The following BACH1 variants were observed in gnomAD, a reference collection of about 807,000 sequenced individuals.
BACH1 encodes BTB domain and CNC homolog 1.
A neutral mutation model predicts 52.9 loss-of-function variants in BACH1; 35 were observed. The ratio of observed to expected loss-of-function variants is 0.66; its 90% confidence interval spans 0.51 to 0.88. The LOEUF (loss-of-function observed/expected upper bound fraction) is 0.88, where lower values mean the gene tolerates loss of function less well. BACH1 is among the 40% of genes least tolerant of loss of function. BACH1 has a pLI of 0.00. For synonymous variants in BACH1, 321 were observed against 319.6 expected (o/e 1.00, Z -0.05); for missense variants, 808 against 872.6 (o/e 0.93, Z 0.93).
At chr21:29,312,690 A>G (rs2088739425) in intron 1 of BACH1, among the ~76,000 whole-genome samples, 1 of 152,236 alleles carries the variant, frequency 6.6e-6, no homozygotes, top group Non-Finnish European at 1.5e-5. Flanking sequence ...TAAACATTAA[A>G]TGCTGAGGAA....
chr21:29,335,746 C>G (rs1325565785), intron 4 of BACH1, among the ~76,000 whole-genome samples: 2 of 152,160 alleles, frequency 1.3e-5, no homozygotes, highest in Admixed American at 1.3e-4. Context: ...GTCTTTGCAC[C>G]TCTATCTCCG....
chr21:29,321,195 G>A (rs993560247), intron 1 of BACH1, 26 bp from the exon 2 acceptor site: 1 of 1,128,710 alleles, frequency 8.9e-7, no homozygotes, highest in Non-Finnish European at 1.3e-6. Flanking sequence ...TGTTATTTAA[G>A]TGAAATCTTG....
chr21:29,329,417 T>G, intron 3 of BACH1, 70 bp from the exon 4 acceptor site: 1 of 1,285,398 alleles, frequency 7.8e-7, no homozygotes, highest in East Asian at 2.7e-5. Context: ...GATGTATACC[T>G]TCATCTTCCT....
rs1041456464 is a variant in BACH1, at chr21:29,302,395, A to G, written c.-61+3442A>G. Among the ~76,000 whole-genome samples the G allele has an allele frequency of 3.9e-5, 6 of 152,334 alleles. No homozygotes were observed. The South Asian group carries it at 6.2e-4, about 16-fold the overall frequency. ...GGCACCTGGCTTACACAGTGCACTA[A>G]CATAACTGAAGTCTGGGTTTGATCA... On this transcript the variant is annotated intron_variant, in intron 1 of 4. Transcript: ENST00000286800.
chr21:29,350,532 A>G (rs2089196439), downstream of BACH1, among the ~76,000 whole-genome samples: 1 of 152,170 alleles, frequency 6.6e-6, no homozygotes, highest in African/African-American at 2.4e-5. Context: ...CTTGGTTTCC[A>G]TGAAGGGAGA....
intron 1 of BACH1, among the ~76,000 whole-genome samples, chr21:29,313,568 A>C (rs1189737568): frequency 1.3e-5 from 2 of 152,252 alleles, no homozygotes; most frequent in African/African-American, 4.8e-5. Context: ...CATCAGAGTC[A>C]AATGGATAAA....
intron 1 of BACH1, among the ~76,000 whole-genome samples, chr21:29,308,273 CTT>C (rs748282718): frequency 6.6e-6 from 1 of 152,120 alleles, no homozygotes; most frequent in East Asian, 1.9e-4. Context: ...AAAAAATAGA[CTT>C]ATGTTTTTAG....
chr21:29,358,810 G>GAAAGAAAGAA lies in BACH1; in HGVS notation c.472+29123_472+29124insAGAAAAAGAA, dbSNP rs1555888597. The stretch of plus-strand genomic sequence containing the variant: ...AGAAAGAAAGAAAGAAAGAAAGAAA[G>GAAAGAAAGAA]AAAGAAGAAAGAAAGAAATGTAAAA... On this transcript the variant is annotated intron_variant, in intron 2 of 4. Coordinates refer to the BACH1 transcript ENST00000422809. Among the ~76,000 whole-genome samples the GAAAGAAAGAA allele has an allele frequency of 3.0e-3, 266 of 88,774 alleles. 2 individuals carry two copies. The highest frequency in any genetic ancestry group is 7.2e-3 in the African/African-American group (249 of 34,738). The allele number at this position is 88,774 out of a possible 152,430, so 58.2% of individuals were successfully genotyped here. A position where few individuals can be genotyped will look rare whatever the true frequency, so the allele number is the denominator to read the frequency against.
intron 1 of BACH1, among the ~76,000 whole-genome samples, chr21:29,309,427 CCTATTCTT>C (rs2088695509): frequency 6.6e-6 from 1 of 152,142 alleles, no homozygotes; most frequent in African/African-American, 2.4e-5. Context: ...CTCAGTTTTA[CCTATTCTT>C]CCCCCACATA....
chr21:29,327,092 A>T lies in BACH1; in HGVS notation c.1268A>T (p.Asp423Val), dbSNP rs2088922318. The change falls in exon 3 of 5, where the codon GAT becomes GTT. Residue 423 changes from aspartate to valine, a missense_variant. Coordinates refer to ENST00000286800, the MANE Select transcript of BACH1 (RefSeq NM_001186.4). ...QMQLSPAVAK[D>V]GSEQISQKRS... ...CAGTTATCACCTGCTGTGGCCAAAG[A>T]TGGCTCAGAACAGATCTCACAGAAA... The T allele has an allele frequency of 1.2e-6, 2 of 1,614,236 alleles. No homozygotes were observed. The highest frequency in any genetic ancestry group is 2.7e-5 in the African/African-American group (2 of 75,056).
chr21:29,358,770 A>AAAAAG (rs1555888602), intron 2 of BACH1, among the ~76,000 whole-genome samples: 13 of 108,890 alleles, frequency 1.2e-4, no homozygotes, highest in Non-Finnish European at 9.7e-5. Flanking sequence ...AAAAGAAAAG[A>AAAAAG]AAAGAAAGAA....
chr21:29,304,967 G>A (rs2088639726), intron 1 of BACH1, among the ~76,000 whole-genome samples: 1 of 152,124 alleles, frequency 6.6e-6, no homozygotes. Flanking sequence ...TCATTAATGT[G>A]TATTTTATAT....
intron 2 of BACH1, among the ~76,000 whole-genome samples, chr21:29,360,223 A>G (rs899846658): frequency 2.0e-5 from 3 of 152,144 alleles, no homozygotes; most frequent in African/African-American, 7.2e-5. Context: ...GGTACATGTC[A>G]TCATGTACCC....
At chr21:29,358,972 A>AT (rs2089255520) in intron 2 of BACH1, 1 of 152,108 alleles carries the variant, frequency 6.6e-6, no homozygotes, top group Non-Finnish European at 1.5e-5. Context: ...TTGATATTTT[A>AT]TTTAAAACAT....
intron 1 of BACH1, among the ~76,000 whole-genome samples, chr21:29,313,504 T>G (rs1335532831): frequency 6.6e-6 from 1 of 152,240 alleles, no homozygotes; most frequent in African/African-American, 2.4e-5. Flanking sequence ...AAAGCTTTAT[T>G]ACAATAATCC....
At chr21:29,352,334 G>T (rs555230348) in intron 2 of BACH1, among the ~76,000 whole-genome samples, 1 of 152,064 alleles carries the variant, frequency 6.6e-6, no homozygotes, top group Admixed American at 6.5e-5. Context: ...GATTGCAGGC[G>T]TGAGCCACTG....
rs1284175326 is a variant in BACH1 at position 29,342,905 on chromosome 21, G to C, written c.*72G>C. ...TGGCAGCGTCTTGAAAGCCTAATAT[G>C]ACCATCTGTTGCTCAACAATACTGT... On this transcript the variant is annotated 3_prime_UTR_variant, in exon 5 of 5. Coordinates refer to ENST00000286800, the MANE Select transcript of BACH1 (RefSeq NM_001186.4). The C allele has an allele frequency of 1.4e-6, 2 of 1,415,392 alleles. No homozygotes were observed. The highest frequency in any genetic ancestry group is 1.9e-6 in the Non-Finnish European group (2 of 1,050,512). The allele number at this position is 1,415,392 out of a possible 1,614,324, so 87.7% of individuals were successfully genotyped here.
chr21:29,322,847 A>G (rs1393228580), intron 2 of BACH1, among the ~76,000 whole-genome samples: 1 of 152,246 alleles, frequency 6.6e-6, no homozygotes, highest in Non-Finnish European at 1.5e-5. Context: ...AGGCCAACCT[A>G]TGAACTAGCC....
chr21:29,339,429 G>A (rs937397384), intron 4 of BACH1, among the ~76,000 whole-genome samples: 1 of 152,026 alleles, frequency 6.6e-6, no homozygotes, highest in Non-Finnish European at 1.5e-5. Context: ...CCGTTCAGAG[G>A]TTTTACTTAC....
Sources: gnomAD v4.1 joint callset for allele counts (sites outside exome capture counted in the v4.1 genomes callset) on GRCh38, gnomAD v4.1.1 for gene constraint, MANE v1.5 for transcripts, NCBI Gene and HGNC (gene_info 2026-07-23, HGNC 2026-07-21) for gene names.